GPC5: variants seen among roughly 807,000 people sequenced by gnomAD.
GPC5 encodes glypican 5, also known as glypican-5.
In GPC5, 47 loss-of-function variants were observed where a neutral mutation model predicts 53.9. That is an observed-to-expected ratio of 0.87 (90% CI 0.69 to 1.11). GPC5 has a LOEUF of 1.11. GPC5 is among the 50% of genes most tolerant of loss of function. The pLI, the probability that GPC5 is intolerant of heterozygous loss-of-function variation, is 0.00. For missense variants in GPC5, 748 were observed against 713.1 expected, an observed-to-expected ratio of 1.05 and a Z score of -0.56; for synonymous variants, 286 against 263.3, an observed-to-expected ratio of 1.09 and a Z score of -0.84.
intron 2 of GPC5, among the ~76,000 whole-genome samples, chr13:91,532,366 T>C (rs996594341): frequency 1.3e-5 from 2 of 152,198 alleles, no homozygotes; most frequent in African/African-American, 4.8e-5. Context: ...ATGAACTAAT[T>C]GCAGCTTTCA....
At chr13:92,729,331 C>A (rs758165823) in intron 7 of GPC5, among the ~76,000 whole-genome samples, 25 of 151,366 alleles carry the variant, frequency 1.7e-4, no homozygotes, top group Non-Finnish European at 2.8e-4. Context: ...CCACTAACTA[C>A]ATATGTCTAT....
intron 5 of GPC5, among the ~76,000 whole-genome samples, chr13:91,877,988 A>G (rs1312684194): frequency 2.0e-5 from 3 of 151,818 alleles, no homozygotes; most frequent in Admixed American, 2.0e-4. Flanking sequence ...TTCTTCTCCC[A>G]TTTTTCTCTT....
chr13:92,622,851 G>A (rs781147953), intron 7 of GPC5, among the ~76,000 whole-genome samples: 13 of 152,136 alleles, frequency 8.5e-5, no homozygotes, highest in South Asian at 2.1e-4. Context: ...GCCAATGCTG[G>A]AAGAGCCAGT....
chr13:92,172,881 T>C lies in GPC5; in HGVS notation c.1561+27892T>C, dbSNP rs1489195406. On this transcript the variant is annotated intron_variant, in intron 7 of 7. Coordinates refer to ENST00000377067, the MANE Select transcript of GPC5 (RefSeq NM_004466.6). ...GCAATTAAGATCCATTCCTGTCCTTTTTATTTAAAAAGAAAGCTCTTATAG... is the reference window on the plus strand; with the variant it reads ...GCAATTAAGATCCATTCCTGTCCTTCTTATTTAAAAAGAAAGCTCTTATAG... 7.2e-5 allele frequency among the ~76,000 whole-genome samples: 11 copies of C among 151,950 alleles called. No individual in the cohort carries two copies. The South Asian group carries it at 2.3e-3, about 32-fold the overall frequency.
chr13:92,543,103 T>A (rs1213816543), intron 7 of GPC5, among the ~76,000 whole-genome samples: 1 of 152,064 alleles, frequency 6.6e-6, no homozygotes, highest in African/African-American at 2.4e-5. Context: ...CTTCTGCAAC[T>A]CCTGTAATAC....
intron 2 of GPC5, among the ~76,000 whole-genome samples, chr13:91,503,804 T>TC (rs1318779809): frequency 5.9e-4 from 86 of 145,884 alleles, no homozygotes; most frequent in African/African-American, 2.1e-3. Flanking sequence ...ATAATAATAA[T>TC]AATAATAATA....
At chr13:92,333,491 A>T (rs1423149953) in intron 7 of GPC5, among the ~76,000 whole-genome samples, 2 of 151,978 alleles carry the variant, frequency 1.3e-5, no homozygotes, top group African/African-American at 4.8e-5. Flanking sequence ...GGAAAATACC[A>T]ATCTTTGGCC....
intron 5 of GPC5, among the ~76,000 whole-genome samples, chr13:91,770,465 C>A (rs1182092346): frequency 6.6e-6 from 1 of 152,010 alleles, no homozygotes; most frequent in Non-Finnish European, 1.5e-5. Flanking sequence ...GGTGACCAGC[C>A]CCCATCCAAG....
chr13:91,668,376 G>T (rs920011167), intron 2 of GPC5, among the ~76,000 whole-genome samples: 1 of 152,234 alleles, frequency 6.6e-6, no homozygotes, highest in African/African-American at 2.4e-5. Context: ...TGTAGTGAAA[G>T]TATGCAGGCC....
intron 7 of GPC5, among the ~76,000 whole-genome samples, chr13:92,363,695 T>C (rs2043586629): frequency 6.6e-6 from 1 of 151,760 alleles, no homozygotes; most frequent in South Asian, 2.1e-4. Context: ...TTAATAAAAC[T>C]TAAGTGCAAG....
chr13:91,794,267 T>C (rs543012072), intron 5 of GPC5, among the ~76,000 whole-genome samples: 2 of 152,342 alleles, frequency 1.3e-5, no homozygotes, highest in African/African-American at 2.4e-5. Context: ...AGTAGAGGGC[T>C]GATTTCTAGG....
At chr13:91,479,104 G>A (rs1457114928) in intron 2 of GPC5, among the ~76,000 whole-genome samples, 1 of 150,968 alleles carries the variant, frequency 6.6e-6, no homozygotes, top group Non-Finnish European at 1.5e-5. Context: ...GTAGAGATGG[G>A]GTTTCACCGT....
intron 7 of GPC5, among the ~76,000 whole-genome samples, chr13:92,244,713 T>A (rs1594032168): frequency 6.6e-6 from 1 of 152,158 alleles, no homozygotes; most frequent in Admixed American, 6.6e-5. Flanking sequence ...TTTTAATCAT[T>A]GTATACCATT....
intron 7 of GPC5, among the ~76,000 whole-genome samples, chr13:92,288,920 C>T (rs1230144919): frequency 6.6e-6 from 1 of 152,104 alleles, no homozygotes; most frequent in Non-Finnish European, 1.5e-5. Flanking sequence ...AATTTCTCTA[C>T]CACCCAGGCA....
chr13:92,198,341 TA>T (rs1263109987), intron 7 of GPC5, among the ~76,000 whole-genome samples: 3 of 152,304 alleles, frequency 2.0e-5, no homozygotes, highest in Admixed American at 6.5e-5. Flanking sequence ...AGATGTCCAA[TA>T]AAAATTTCTT....
At chr13:92,820,712 G>A (rs1021577846) in intron 7 of GPC5, among the ~76,000 whole-genome samples, 17 of 151,982 alleles carry the variant, frequency 1.1e-4, no homozygotes, top group African/African-American at 3.9e-4. Flanking sequence ...CTTTTCTGTA[G>A]GTTCTTCCTT....
rs140110076 is a variant in GPC5, at chr13:92,381,879, AT to A, written c.1561+236892del. 1.2e-3 allele frequency among the ~76,000 whole-genome samples: 97 copies of A among 78,838 alleles called. 4 individuals are homozygous for A. The highest frequency in any genetic ancestry group is 5.3e-3 in the East Asian group (14 of 2,622). 51.7% of individuals were successfully genotyped at this position (78,838 alleles called of 152,430 possible). On this transcript the variant is annotated intron_variant, in intron 7 of 7. Coordinates refer to ENST00000377067, the MANE Select transcript of GPC5 (RefSeq NM_004466.6). ...TATGATTATATATATCATATATATG[AT>A]TATATATATTATATATAATCATATA...
At chr13:92,149,832 C>A (rs2041894384) in intron 7 of GPC5, among the ~76,000 whole-genome samples, 1 of 151,866 alleles carries the variant, frequency 6.6e-6, no homozygotes, top group Admixed American at 6.6e-5. Flanking sequence ...TGTATTTATT[C>A]ATATTGCAGA....
chr13:92,181,403 CAAAA>C (rs1203426855), intron 7 of GPC5, among the ~76,000 whole-genome samples: 2 of 152,002 alleles, frequency 1.3e-5, no homozygotes, highest in Non-Finnish European at 2.9e-5. Context: ...ATCAAGCAAA[CAAAA>C]AATAAATAAA....
Sources: gnomAD v4.1 joint callset for allele counts (sites outside exome capture counted in the v4.1 genomes callset) on GRCh38, gnomAD v4.1.1 for gene constraint, MANE v1.5 for transcripts, NCBI Gene and HGNC (gene_info 2026-07-23, HGNC 2026-07-21) for gene names.